Variants in EXD3 observed in about 807,000 individuals in gnomAD.
EXD3 encodes exonuclease 3'-5' domain containing 3, also known as exonuclease mut-7 homolog.
EXD3 carries 92 observed loss-of-function variants against 98.0 expected under a neutral mutation model. The observed-to-expected ratio is 0.94, with a 90% CI of 0.79 to 1.12. The LOEUF (loss-of-function observed/expected upper bound fraction) is 1.12. EXD3 is among the 50% of genes most tolerant of loss of function. EXD3 has a pLI of 0.00. For synonymous variants in EXD3, 569 were observed against 526.0 expected, an observed-to-expected ratio of 1.08 and a Z score of -1.12; for missense variants, 1,222 against 1,191.6, an observed-to-expected ratio of 1.03 and a Z score of -0.38.
At chr9:137,383,403 G>A (rs2131723481) in intron 2 of EXD3, 26 bp from the exon 3 acceptor site, 1 of 1,517,078 alleles carries the variant, frequency 6.6e-7, no homozygotes, top group East Asian at 2.5e-5. Context: ...AACAGCCGTG[G>A]GAGGGAGAGG....
chr9:137,348,328 C>T (rs1834044653), intron 16 of EXD3, 90 bp from the exon 17 acceptor site: 3 of 1,335,258 alleles, frequency 2.2e-6, no homozygotes, highest in Non-Finnish European at 3.0e-6. Context: ...GTGTGGCCAG[C>T]ACTCTGTCTC....
intron 5 of EXD3, among the ~76,000 whole-genome samples, chr9:137,368,973 G>A (rs1461687791): frequency 1.5e-5 from 2 of 134,076 alleles, no homozygotes; most frequent in Non-Finnish European, 3.2e-5. Context: ...AGGGCCGGGG[G>A]ACGGGGTGCA....
At chr9:137,341,402 C>G (rs1289932231) in intron 17 of EXD3, among the ~76,000 whole-genome samples, 1 of 152,214 alleles carries the variant, frequency 6.6e-6, no homozygotes, top group Admixed American at 6.5e-5. Context: ...ACTCAGCACA[C>G]AGTCACACTC....
chr9:137,405,067 CA>C lies in EXD3; in HGVS notation c.-47-9664del, dbSNP rs1158711571. On this transcript the variant is annotated intron_variant, in intron 1 of 21. Transcript: ENST00000340951. This position sits in a 1 kb window ranked among gnomAD's most constrained non-coding sequence, Gnocchi z 4.1. Reference sequence around the variant, plus strand: ...GACACGTGCTGTCTCACAGGTGAGCCAGGGGCTGGGAGGGGACACAGTGCTT... The same window carrying C: ...GACACGTGCTGTCTCACAGGTGAGCCGGGGCTGGGAGGGGACACAGTGCTT... 7.2e-5 allele frequency among the ~76,000 whole-genome samples: 11 copies of C among 152,260 alleles called. No homozygotes were observed. The highest frequency in any genetic ancestry group is 3.4e-3 in the Middle Eastern group (1 of 294).
intron 1 of EXD3, among the ~76,000 whole-genome samples, chr9:137,398,724 C>CG (rs1837339207): frequency 8.2e-6 from 1 of 121,370 alleles, no homozygotes. Flanking sequence ...CCCGCATCCC[C>CG]AAGACACACA....
chr9:137,334,126 C>T (rs962276979), intron 17 of EXD3, among the ~76,000 whole-genome samples: 3 of 152,138 alleles, frequency 2.0e-5, no homozygotes, highest in Admixed American at 6.5e-5. Context: ...CTCAGCCTCC[C>T]GAGTAGCTGG....
intron 2 of EXD3, among the ~76,000 whole-genome samples, chr9:137,389,209 A>G (rs2131741549): frequency 6.6e-6 from 1 of 152,292 alleles, no homozygotes; most frequent in Middle Eastern, 3.4e-3. Flanking sequence ...TGATAAGGAC[A>G]GAGGCGGCAA....
chr9:137,374,756 T>C (rs927788025), intron 3 of EXD3: 45 of 985,348 alleles, frequency 4.6e-5, no homozygotes, highest in Non-Finnish European at 1.2e-5. Flanking sequence ...TCTCTGTCCC[T>C]CGGGACTCTG....
intron 17 of EXD3, among the ~76,000 whole-genome samples, chr9:137,327,000 G>T (rs1832441899): frequency 1.3e-5 from 2 of 152,174 alleles, no homozygotes; most frequent in East Asian, 3.9e-4. Context: ...AAAGATGCCA[G>T]ATACAAATGG....
chr9:137,367,002 C>G (rs2131659792), intron 6 of EXD3, among the ~76,000 whole-genome samples: 1 of 152,374 alleles, frequency 6.6e-6, no homozygotes, highest in African/African-American at 2.4e-5. Flanking sequence ...CCGAGCAGGT[C>G]TGCAAGACCC....
At position 137,324,112 on chromosome 9, in the gene EXD3, G is replaced by T; in HGVS notation, c.2030C>A (p.Thr677Lys). The T allele has an allele frequency of 6.3e-7, 1 of 1,588,378 alleles. No individual in the cohort carries two copies. Among genetic ancestry groups the T allele is most frequent in the South Asian group, 1.1e-5 (1 of 87,046 alleles). Residue 677 changes from threonine to lysine, a missense_variant, in exon 18 of 22, where the codon ACG becomes AAG. Physicochemically the swap from Thr to Lys is moderately conservative, Grantham distance 78 (BLOSUM62 -1). Coordinates refer to ENST00000340951, the MANE Select transcript of EXD3 (RefSeq NM_017820.5). The surrounding 1 kb of genome is among the most constrained non-coding windows in gnomAD (Gnocchi z 4.1). ...CACCTTGTGGAATGGCTGCCCCGAC[G>T]TCAGAATGATCCTCCCCTCCTGCCT... ...VARQEGRIIL[T>K]SGQPFHKLRA...
chr9:137,360,410 G>A lies in EXD3; in HGVS notation c.657-4042C>T, dbSNP rs1834962367. ...GTCCAGAAGGTATTAAGTCAAATTT[G>A]TCAATCTTCTTCTGTTATTCTCTTT... On this transcript the variant is annotated intron_variant, in intron 7 of 21. Coordinates refer to ENST00000340951, the MANE Select transcript of EXD3 (RefSeq NM_017820.5). Among the ~76,000 whole-genome samples, 2 of 78,572 alleles carry A rather than the reference G, an allele frequency of 2.5e-5. 1 individual carries two copies. The highest frequency in any genetic ancestry group is 5.9e-5 in the Non-Finnish European group (2 of 34,042). The allele number at this position is 78,572 out of a possible 152,430, so 51.5% of individuals were successfully genotyped here.
intron 3 of EXD3, among the ~76,000 whole-genome samples, chr9:137,380,950 A>AAAAAAAT (rs1302990208): frequency 2.0e-5 from 3 of 150,308 alleles, no homozygotes; most frequent in East Asian, 2.0e-4. Flanking sequence ...AAATACAAAA[A>AAAAAAAT]TAGCCAGGCG....
At chr9:137,327,185 G>A (rs1398618794) in intron 17 of EXD3, among the ~76,000 whole-genome samples, 1 of 151,200 alleles carries the variant, frequency 6.6e-6, no homozygotes, top group Admixed American at 6.6e-5. Flanking sequence ...CCAGGCTGGA[G>A]TGCAGTGGCA....
chr9:137,413,220 A>T (rs1333195530), intron 1 of EXD3, among the ~76,000 whole-genome samples: 1 of 151,144 alleles, frequency 6.6e-6, no homozygotes, highest in Non-Finnish European at 1.5e-5. Flanking sequence ...TTTTTTTTTG[A>T]GACGGAGTCT....
At chr9:137,321,286 G>A (rs1832019840) in intron 19 of EXD3, among the ~76,000 whole-genome samples, 1 of 152,218 alleles carries the variant, frequency 6.6e-6, no homozygotes, top group South Asian at 2.1e-4. Flanking sequence ...GGGTGGAGCT[G>A]AGCTCAGGGC....
rs536119544 is a variant in EXD3 at position 137,370,128 on chromosome 9, G to A, written c.463-2139C>T. 4.6e-5 allele frequency among the ~76,000 whole-genome samples: 7 copies of A among 152,266 alleles called. No individual in the cohort carries two copies. The South Asian group carries it at 1.5e-3, about 32-fold the overall frequency. ...CCTGGTGACAGGGGTGGGGGGCTGG[G>A]GGGTGGCTAGTAGCAGACCCACCCC... On this transcript the variant is annotated intron_variant, in intron 5 of 21. Transcript: ENST00000340951.
At chr9:137,376,237 G>C (rs985428024) in intron 3 of EXD3, among the ~76,000 whole-genome samples, 1 of 151,464 alleles carries the variant, frequency 6.6e-6, no homozygotes, top group Non-Finnish European at 1.5e-5. Flanking sequence ...CCAGCTACTC[G>C]GGAGGCAGAG....
chr9:137,318,479 G>T (rs537875096), intron 19 of EXD3, among the ~76,000 whole-genome samples: 5 of 152,320 alleles, frequency 3.3e-5, no homozygotes, highest in African/African-American at 1.2e-4. Flanking sequence ...AACCATGCTG[G>T]GGGGGTGGGG....
Sources: gnomAD v4.1 joint callset for allele counts (sites outside exome capture counted in the v4.1 genomes callset) on GRCh38, gnomAD v4.1.1 for gene constraint, Gnocchi (gnomAD v3.1) non-coding constraint, MANE v1.5 for transcripts, NCBI Gene and HGNC (gene_info 2026-07-23, HGNC 2026-07-21) for gene names.